IL1RAPL1: variants seen among roughly 807,000 people sequenced by gnomAD.
IL1RAPL1 encodes interleukin 1 receptor accessory protein like 1, also known as interleukin-1 receptor accessory protein-like 1.
A neutral mutation model predicts 48.4 loss-of-function variants in IL1RAPL1; 3 were observed. The observed-to-expected ratio is 0.06, with a 90% CI of 0.03 to 0.16. The LOEUF is 0.16. Among genes scored for constraint, IL1RAPL1 ranks in the 10% least tolerant of loss-of-function variants. IL1RAPL1 has a pLI of 1.00. For synonymous variants in IL1RAPL1, 185 were observed against 187.7 expected (o/e 0.99, Z 0.12); for missense variants, 349 against 530.6 (o/e 0.66, Z 3.36).
intron 2 of IL1RAPL1, among the ~76,000 whole-genome samples, chrX:28,951,148 G>A (rs1319952033): frequency 8.4e-5 from 8 of 95,763 alleles, no homozygotes; most frequent in South Asian, 6.1e-4. Flanking sequence ...GGGAGGGATA[G>A]CATTGGGAGA....
intron 5 of IL1RAPL1, among the ~76,000 whole-genome samples, chrX:29,607,741 T>C (rs184319821): frequency 1.5e-4 from 17 of 112,159 alleles, no homozygotes; most frequent in Non-Finnish European, 2.8e-4. Flanking sequence ...TACTAGCCTT[T>C]CCACATGAGA....
chrX:29,161,066 A>G (rs1929674967), intron 2 of IL1RAPL1, among the ~76,000 whole-genome samples: 1 of 111,040 alleles, frequency 9.0e-6, no homozygotes, highest in Non-Finnish European at 1.9e-5. Context: ...TCTCAAAAAA[A>G]AAAAAAAGTG....
chrX:28,931,667 A>C (rs1316584699), intron 2 of IL1RAPL1, among the ~76,000 whole-genome samples: 1 of 112,062 alleles, frequency 8.9e-6, no homozygotes, highest in African/African-American at 3.2e-5. Context: ...ATTGTTATTC[A>C]GTATTTAATA....
At chrX:29,331,098 C>T (rs1292318661) in intron 3 of IL1RAPL1, among the ~76,000 whole-genome samples, 1 of 111,087 alleles carries the variant, frequency 9.0e-6, no homozygotes, top group Non-Finnish European at 1.9e-5. Context: ...ACCCAGGAGG[C>T]GGAGGTTGCA....
At chrX:29,046,032 T>C (rs865879476) in intron 2 of IL1RAPL1, among the ~76,000 whole-genome samples, 96 of 86,034 alleles carry the variant, frequency 1.1e-3, no homozygotes, top group Middle Eastern at 7.5e-3. Context: ...TTCCTCTTCT[T>C]CTCCTCCTCC....
chrX:29,638,840 C>T (rs1925063207), intron 5 of IL1RAPL1, among the ~76,000 whole-genome samples: 1 of 112,284 alleles, frequency 8.9e-6, no homozygotes, highest in African/African-American at 3.2e-5. Flanking sequence ...TCTTTGCCCG[C>T]TACTTACACT....
chrX:28,908,047 C>CTAA (rs935425861), intron 2 of IL1RAPL1, among the ~76,000 whole-genome samples: 1 of 111,503 alleles, frequency 9.0e-6, no homozygotes, highest in African/African-American at 3.3e-5. Flanking sequence ...TTATTACCAT[C>CTAA]TAATATCTGT....
At chrX:29,640,734 C>G (rs1925139593) in intron 5 of IL1RAPL1, among the ~76,000 whole-genome samples, 1 of 112,472 alleles carries the variant, frequency 8.9e-6, no homozygotes, top group South Asian at 3.6e-4. Context: ...TTAATCCAAA[C>G]CAATGACAAA....
chrX:28,722,558 C>G (rs377290088), intron 1 of IL1RAPL1, among the ~76,000 whole-genome samples: 1 of 111,430 alleles, frequency 9.0e-6, no homozygotes, highest in African/African-American at 3.3e-5. Context: ...TTGACTTCCT[C>G]TTTTCCTAAT....
At chrX:29,516,536 T>C (rs1413865421) in intron 5 of IL1RAPL1, among the ~76,000 whole-genome samples, 4 of 101,599 alleles carry the variant, frequency 3.9e-5, no homozygotes, top group African/African-American at 7.0e-5. Context: ...AATCTGATTA[T>C]ATTCACTGTT....
At chrX:28,919,167 G>A (rs1923558633) in intron 2 of IL1RAPL1, among the ~76,000 whole-genome samples, 1 of 111,492 alleles carries the variant, frequency 9.0e-6, no homozygotes, top group Non-Finnish European at 1.9e-5. Context: ...TACTTGAACA[G>A]CTGTTAATGT....
intron 5 of IL1RAPL1, among the ~76,000 whole-genome samples, chrX:29,477,025 C>T (rs1020850317): frequency 9.4e-6 from 1 of 106,474 alleles, no homozygotes; most frequent in Non-Finnish European, 1.9e-5. Context: ...GGACTACAGG[C>T]GCCCGCCACC....
rs192749701 is a variant in IL1RAPL1 at position 29,078,649 on chromosome X, G to A, written c.83-204289G>A. Among the ~76,000 whole-genome samples the A allele has an allele frequency of 3.0e-3, 331 of 111,955 alleles. 1 individual carries two copies. The highest frequency in any genetic ancestry group is 1.0e-2 in the African/African-American group (308 of 30,836). On this transcript the variant is annotated intron_variant, in intron 2 of 10. Coordinates refer to ENST00000378993, the MANE Select transcript of IL1RAPL1 (RefSeq NM_014271.4). ...TCATGATAACAATCTACTTCCTATC[G>A]AAATTTCATGGAGAGATAATAGATC...
intron 2 of IL1RAPL1, among the ~76,000 whole-genome samples, chrX:29,235,842 T>C (rs1356394683): frequency 8.9e-6 from 1 of 112,102 alleles, no homozygotes; most frequent in African/African-American, 3.2e-5. Flanking sequence ...GAACTGATGT[T>C]GATGTTAAAA....
intron 5 of IL1RAPL1, among the ~76,000 whole-genome samples, chrX:29,521,641 T>C (rs763527989): frequency 8.9e-6 from 1 of 111,877 alleles, no homozygotes; most frequent in Non-Finnish European, 1.9e-5. Flanking sequence ...CACGCTCAGC[T>C]CTAACTTGCT....
chrX:29,412,037 G>A (rs186314297), intron 5 of IL1RAPL1, among the ~76,000 whole-genome samples: 127 of 111,441 alleles, frequency 1.1e-3, no homozygotes, highest in Middle Eastern at 4.6e-3. Context: ...TTGGGAGGCC[G>A]AAGTGGGTGA....
intron 2 of IL1RAPL1, among the ~76,000 whole-genome samples, chrX:28,946,653 T>G (rs1924313639): frequency 9.0e-6 from 1 of 110,776 alleles, no homozygotes; most frequent in African/African-American, 3.3e-5. Context: ...CCAAACAATA[T>G]TTATTGGGCC....
chrX:29,495,058 C>G (rs1935199087), intron 5 of IL1RAPL1, among the ~76,000 whole-genome samples: 2 of 112,012 alleles, frequency 1.8e-5, no homozygotes, highest in Admixed American at 9.5e-5. Flanking sequence ...AACATAAACA[C>G]TATTCTTACT....
intron 1 of IL1RAPL1, among the ~76,000 whole-genome samples, chrX:28,678,460 T>A (rs1203364014): frequency 9.0e-6 from 1 of 110,842 alleles, no homozygotes; most frequent in Non-Finnish European, 1.9e-5. Flanking sequence ...GGAAACAGAG[T>A]TTCAAAGTAT....
Sources: gnomAD v4.1 joint callset for allele counts (sites outside exome capture counted in the v4.1 genomes callset) on GRCh38, gnomAD v4.1.1 for gene constraint, MANE v1.5 for transcripts, NCBI Gene and HGNC (gene_info 2026-07-23, HGNC 2026-07-21) for gene names.